MYOF: variants seen among roughly 807,000 people sequenced by gnomAD.
MYOF encodes myoferlin.
Under a neutral mutation model 284.2 loss-of-function variants are expected in MYOF, and 244 were observed. That is an observed-to-expected ratio of 0.86 (90% CI 0.77 to 0.95). The LOEUF (loss-of-function observed/expected upper bound fraction) is 0.95. Ranked by LOEUF, MYOF falls within the 40% of genes least tolerant of loss-of-function variation. The pLI, the probability that MYOF is intolerant of heterozygous loss-of-function variation, is 0.00. For synonymous variants in MYOF, 904 were observed against 919.7 expected, an observed-to-expected ratio of 0.98 and a Z score of 0.31; for missense variants, 2,496 against 2,560.6, an observed-to-expected ratio of 0.97 and a Z score of 0.54.
At chr10:93,349,669 A>T in intron 36 of MYOF, 139 bp downstream of exon 36, 1 of 991,804 alleles carries the variant, frequency 1.0e-6, no homozygotes, top group Non-Finnish European at 1.4e-6. Context: ...GGAAAAAGTC[A>T]CTGACAAGCT....
At chr10:93,433,439 G>A (rs1014976926) in intron 3 of MYOF, among the ~76,000 whole-genome samples, 2 of 152,140 alleles carry the variant, frequency 1.3e-5, no homozygotes, top group Non-Finnish European at 1.5e-5. Flanking sequence ...GATTACAGGC[G>A]TGAGCCGCCG....
At chr10:93,323,991 G>A (rs1842941915) in intron 46 of MYOF, among the ~76,000 whole-genome samples, 1 of 152,230 alleles carries the variant, frequency 6.6e-6, no homozygotes, top group South Asian at 2.1e-4. Flanking sequence ...AAAAGGTAAG[G>A]ATTCCTGGCC....
intron 1 of MYOF, among the ~76,000 whole-genome samples, chr10:93,479,960 C>T (rs1271616255): frequency 6.6e-6 from 1 of 152,146 alleles, no homozygotes; most frequent in Non-Finnish European, 1.5e-5. Flanking sequence ...TAAAATGTTT[C>T]ATCAATGCAT....
At chr10:93,313,309 T>G in intron 50 of MYOF, 99 bp from the exon 51 acceptor site, 1 of 1,183,764 alleles carries the variant, frequency 8.4e-7, no homozygotes, top group Non-Finnish European at 1.2e-6. Flanking sequence ...AGGCACACAG[T>G]GATTTTGAAC....
At chr10:93,380,428 T>A (rs1419720779) in intron 20 of MYOF, among the ~76,000 whole-genome samples, 2 of 152,152 alleles carry the variant, frequency 1.3e-5, no homozygotes, top group Non-Finnish European at 2.9e-5. Flanking sequence ...CTACATAGGG[T>A]TTGGTACTAG....
chr10:93,374,504 C>T (rs1355865330), intron 23 of MYOF, among the ~76,000 whole-genome samples: 1 of 152,160 alleles, frequency 6.6e-6, no homozygotes, highest in Non-Finnish European at 1.5e-5. Context: ...CCGACAGTAC[C>T]ATGAAAATGA....
intron 24 of MYOF, among the ~76,000 whole-genome samples, chr10:93,370,017 C>G (rs144844423): frequency 6.6e-6 from 1 of 152,278 alleles, no homozygotes; most frequent in African/African-American, 2.4e-5. Flanking sequence ...TTCAGGAGGT[C>G]CACAAGGTCA....
At chr10:93,364,969 A>G (rs1845260631) in intron 26 of MYOF, among the ~76,000 whole-genome samples, 1 of 152,148 alleles carries the variant, frequency 6.6e-6, no homozygotes, top group African/African-American at 2.4e-5. Context: ...CAGCCCTGAC[A>G]TGCTTTGACC....
At chr10:93,356,614 C>T in intron 30 of MYOF, 61 bp downstream of exon 30, 1 of 1,523,498 alleles carries the variant, frequency 6.6e-7, no homozygotes, top group South Asian at 1.3e-5. Context: ...AGTGCTGTAT[C>T]CAACACTCAT....
chr10:93,333,173 T>G (rs1037949739), intron 43 of MYOF, 48 bp downstream of exon 43: 1 of 1,479,226 alleles, frequency 6.8e-7, no homozygotes, highest in African/African-American at 1.4e-5. Flanking sequence ...TTCATGCATG[T>G]TCCGTGGAGA....
chr10:93,409,584 G>T lies in MYOF; in HGVS notation c.589C>A (p.Gln197Lys). 1 of 1,613,626 alleles carries T rather than the reference G, an allele frequency of 6.2e-7. No homozygotes were observed. The highest frequency in any genetic ancestry group is 8.5e-7 in the Non-Finnish European group (1 of 1,179,938). Reference protein sequence around the residue: ...NSRRMLSNKPQDFQIRVRVIE... With the variant: ...NSRRMLSNKPKDFQIRVRVIE... ...CAGGCCGTTGCTACCTGGAAGTCCT[G>T]TGGCTTATTTGACAGCATCCGCCGG... The change falls in exon 6 of 54, where the codon CAG (glutamine) becomes AAG (lysine). Residue 197 changes from glutamine to lysine, a missense_variant. This residue lies in a region of MYOF where 2,436 missense variants were observed against 2,480.7 expected (regional missense o/e 0.98). Coordinates refer to ENST00000359263, the MANE Select transcript of MYOF (RefSeq NM_013451.4).
chr10:93,458,622 C>T (rs560038470), intron 1 of MYOF, among the ~76,000 whole-genome samples: 10 of 152,122 alleles, frequency 6.6e-5, no homozygotes, highest in Admixed American at 2.0e-4. Context: ...CCCAGCTACT[C>T]GGGAGGCTGA....
intron 2 of MYOF, among the ~76,000 whole-genome samples, chr10:93,455,758 AGC>A (rs2056730924): frequency 6.6e-6 from 1 of 152,160 alleles, no homozygotes; most frequent in Admixed American, 6.6e-5. Context: ...GGTGGAGGGG[AGC>A]CTTCATGGCC....
chr10:93,333,853 AC>A lies in MYOF; in HGVS notation c.4623del (p.Gln1541HisfsTer23). ...GGGACGCTGTCAGGTAATTCCCGAA[AC>A]TGTCTGGGAGGGGCTGGCACGCTGG... ...DDPSVPAPPR[Q>X]FRELPDSVPQ... On this transcript the variant is annotated frameshift_variant, in exon 42 of 54. Coordinates refer to ENST00000359263, the MANE Select transcript of MYOF (RefSeq NM_013451.4). LOFTEE classifies it high-confidence loss of function. The A allele has an allele frequency of 6.2e-7, 1 of 1,613,944 alleles. No homozygotes were observed. Among genetic ancestry groups the A allele is most frequent in the Non-Finnish European group, 8.5e-7 (1 of 1,179,988 alleles).
intron 43 of MYOF, among the ~76,000 whole-genome samples, chr10:93,330,732 T>C (rs1843259468): frequency 6.6e-6 from 1 of 152,192 alleles, no homozygotes; most frequent in East Asian, 1.9e-4. Context: ...GCTCAATATG[T>C]TCTATTGAAG....
At chr10:93,389,216 A>G (rs1589486896) in intron 17 of MYOF, 62 bp from the exon 18 acceptor site, 1 of 1,511,454 alleles carries the variant, frequency 6.6e-7, no homozygotes, top group East Asian at 2.4e-5. Context: ...TGAAATAAAT[A>G]TTAGTTATTA....
chr10:93,433,100 C>G (rs1350523864), intron 3 of MYOF, among the ~76,000 whole-genome samples: 2 of 152,128 alleles, frequency 1.3e-5, no homozygotes, highest in Non-Finnish European at 2.9e-5. Context: ...AAGAGAGTCA[C>G]ATGCTTTCAG....
chr10:93,435,437 C>T (rs1198336018), intron 3 of MYOF, among the ~76,000 whole-genome samples: 1 of 152,184 alleles, frequency 6.6e-6, no homozygotes, highest in African/African-American at 2.4e-5. Flanking sequence ...GCCAGTTGTT[C>T]CCTGGAGGGC....
In MYOF at chr10:93,387,782, C is replaced by T; in HGVS notation, c.1698+15G>A. On this transcript the variant is annotated intron_variant, in intron 19 of 53. Transcript: ENST00000359263. Reference sequence around the variant, plus strand: ...CCTTTTCTATACCATGCATTACTCACACTTTAACATTTACCTCAACAACCA... The same window carrying T: ...CCTTTTCTATACCATGCATTACTCATACTTTAACATTTACCTCAACAACCA... 1.2e-6 allele frequency: 2 copies of T among 1,605,608 alleles called. No homozygotes were observed. Among genetic ancestry groups the T allele is most frequent in the South Asian group, 1.1e-5 (1 of 90,930 alleles).
Sources: gnomAD v4.1 joint callset for allele counts (sites outside exome capture counted in the v4.1 genomes callset) on GRCh38, gnomAD v4.1.1 for gene constraint, gnomAD v4.1.1 regional missense constraint, MANE v1.5 for transcripts, NCBI Gene and HGNC (gene_info 2026-07-23, HGNC 2026-07-21) for gene names.